The following SLC39A14 variants were observed in gnomAD, a reference collection of about 807,000 sequenced individuals.
SLC39A14 encodes metal cation symporter ZIP14.
A neutral mutation model predicts 45.5 loss-of-function variants in SLC39A14; 19 were observed. That is an observed-to-expected ratio of 0.42 (90% CI 0.29 to 0.61). SLC39A14 has a LOEUF of 0.61. Among genes scored for constraint, SLC39A14 ranks in the 20% least tolerant of loss-of-function variants. The pLI, the probability that SLC39A14 is intolerant of heterozygous loss-of-function variation, is 0.22. For synonymous variants in SLC39A14, 264 were observed against 251.3 expected (o/e 1.05, Z -0.48); for missense variants, 447 against 616.5 (o/e 0.73, Z 2.91).
intron 1 of SLC39A14, among the ~76,000 whole-genome samples, chr8:22,383,336 C>T (rs1833615453): frequency 6.6e-6 from 1 of 152,082 alleles, no homozygotes; most frequent in Admixed American, 6.5e-5. Flanking sequence ...GCAGCCAGCT[C>T]ACCAGAAGCA....
In SLC39A14 at chr8:22,419,769, C is replaced by T; in HGVS notation, c.*71C>T. 6.6e-7 allele frequency: 1 copy of T among 1,505,464 alleles called. No individual in the cohort carries two copies. The highest frequency in any genetic ancestry group is 8.9e-7 in the Non-Finnish European group (1 of 1,129,444). 93.3% of individuals were successfully genotyped at this position (1,505,464 alleles called of 1,614,324 possible). A position where few individuals can be genotyped will look rare whatever the true frequency, so the allele number is the denominator to read the frequency against. On this transcript the variant is annotated 3_prime_UTR_variant, in exon 9 of 9. Transcript: ENST00000381237. The stretch of plus-strand genomic sequence containing the variant: ...CCCGATCGCCAGCCCGAGGACTTAC[C>T]ATCCACAATGCACCACGGAAGAGGC...
chr8:22,428,002 A>G (rs1272311685), intron 8 of SLC39A14, among the ~76,000 whole-genome samples: 1 of 152,116 alleles, frequency 6.6e-6, no homozygotes, highest in African/African-American at 2.4e-5. Context: ...CTGTCTCTAT[A>G]AAAAATAAAA....
chr8:22,394,772 A>G (rs7825432), intron 1 of SLC39A14, among the ~76,000 whole-genome samples: 19,479 of 152,048 alleles, frequency 0.13, 1,286 homozygotes, highest in East Asian at 0.19. Context: ...GAAGGGGACT[A>G]TATTTTCTGA....
chr8:22,433,226 T>C (rs1836494636), intron 8 of SLC39A14, among the ~76,000 whole-genome samples: 1 of 152,194 alleles, frequency 6.6e-6, no homozygotes, highest in South Asian at 2.1e-4. Flanking sequence ...TGATAGATTA[T>C]GCTCAGTGAG....
In SLC39A14 at chr8:22,417,661, C is replaced by T. The variant is rs1400781589; in HGVS notation, c.1158C>T (p.Val386=). 6.2e-7 allele frequency: 1 copy of T among 1,613,444 alleles called. No individual in the cohort carries two copies. The highest frequency in any genetic ancestry group is 1.7e-5 in the Admixed American group (1 of 59,924). ...TTCTCGCTGCTGTAGGAGACTTTGT[C>T]ATCCTGCTCAACGCTGGGATGAGCA... ...EEFPHELGDF[V]ILLNAGMSIQ... Residue 386 remains valine (V), a synonymous_variant, in exon 8 of 9, where the codon GTC becomes GTT. Transcript: ENST00000381237.
chr8:22,406,708 A>C (rs1220788753), intron 2 of SLC39A14, among the ~76,000 whole-genome samples: 1 of 152,150 alleles, frequency 6.6e-6, no homozygotes, highest in East Asian at 1.9e-4. Context: ...AAAAATTAAA[A>C]AAAGGGACGG....
intron 1 of SLC39A14, among the ~76,000 whole-genome samples, chr8:22,382,012 G>A (rs1430948521): frequency 6.6e-6 from 1 of 151,968 alleles, no homozygotes. Context: ...GTGGTGGTAC[G>A]GGTCTGTAAT....
chr8:22,420,410 C>T lies in SLC39A14; in HGVS notation c.*712C>T, dbSNP rs916419065. ...TTTCACGGCTGTCCGAGTGAGCTAA[C>T]GTGGCGGTGTGGCTGCCTGGACCTC... On this transcript the variant is annotated 3_prime_UTR_variant, in exon 9 of 9. Coordinates refer to ENST00000381237, the MANE Select transcript of SLC39A14 (RefSeq NM_001128431.4). 7.1e-6 allele frequency: 7 copies of T among 985,436 alleles called. No homozygotes were observed. Among genetic ancestry groups the T allele is most frequent in the East Asian group, 1.1e-4 (1 of 8,812 alleles). The allele number at this position is 985,436 out of a possible 1,614,324, so 61.0% of individuals were successfully genotyped here.
At chr8:22,393,282 T>A (rs371216351) in intron 1 of SLC39A14, 1 of 977,024 alleles carries the variant, frequency 1.0e-6, no homozygotes, top group Non-Finnish European at 1.2e-6. Flanking sequence ...AGGGGGAGAA[T>A]GGGCCGATTA....
At chr8:22,398,835 G>A (rs901370745) in intron 1 of SLC39A14, 1 of 775,298 alleles carries the variant, frequency 1.3e-6, no homozygotes, top group Non-Finnish European at 1.6e-6. Flanking sequence ...TGGATGGTAA[G>A]GCAACTTCTG....
chr8:22,393,470 C>G (rs1364684890), intron 1 of SLC39A14, among the ~76,000 whole-genome samples: 6 of 152,070 alleles, frequency 3.9e-5, no homozygotes, highest in Admixed American at 3.9e-4. Flanking sequence ...GCTCTTTCTA[C>G]CCCCAGAGAA....
intron 1 of SLC39A14, among the ~76,000 whole-genome samples, chr8:22,400,953 G>C (rs1834818479): frequency 6.6e-6 from 1 of 152,214 alleles, no homozygotes; most frequent in Non-Finnish European, 1.5e-5. Context: ...ATATGGTTCA[G>C]GTACTTGGCA....
intron 3 of SLC39A14, among the ~76,000 whole-genome samples, chr8:22,408,749 A>G (rs73227834): frequency 0.032 from 4,838 of 151,598 alleles, 128 homozygotes; most frequent in Non-Finnish European, 0.052. Flanking sequence ...TGAGCGGCCT[A>G]TGGATCCCTT....
chr8:22,414,637 G>T (rs1487244923), intron 4 of SLC39A14, 143 bp from the exon 5 acceptor site: 4 of 821,922 alleles, frequency 4.9e-6, no homozygotes, highest in South Asian at 2.1e-5. Flanking sequence ...ATTTTTGCTG[G>T]AAAGAGGATG....
At chr8:22,413,277 G>A (rs1314561804) in intron 4 of SLC39A14, among the ~76,000 whole-genome samples, 5 of 152,154 alleles carry the variant, frequency 3.3e-5, no homozygotes, top group African/African-American at 1.2e-4. Context: ...TGAAATGTCA[G>A]TTGGCTCCCT....
intron 2 of SLC39A14, 80 bp downstream of exon 2, chr8:22,405,060 G>A: frequency 7.4e-7 from 1 of 1,359,740 alleles, no homozygotes; most frequent in East Asian, 2.4e-5. Flanking sequence ...TTGGGCCCAG[G>A]GCAGCCTGGC....
At chr8:22,412,298 G>A in intron 4 of SLC39A14, 92 bp downstream of exon 4, 2 of 1,337,094 alleles carry the variant, frequency 1.5e-6, no homozygotes, top group Non-Finnish European at 2.0e-6. Flanking sequence ...AGGGCACCTG[G>A]AGGCCCTTTC....
At chr8:22,382,877 C>T (rs538264193) in intron 1 of SLC39A14, among the ~76,000 whole-genome samples, 49 of 151,338 alleles carry the variant, frequency 3.2e-4, no homozygotes, top group African/African-American at 1.2e-3. Context: ...ACCATGCCCC[C>T]GCTAATTTTT....
In SLC39A14 at chr8:22,367,356, C is replaced by T. The variant is rs1437112488; in HGVS notation, c.-68C>T. ...AAGCTGCTTCTGCCGCCGCCGGCCG[C>T]CTGGGACCTTGCGGTGAGGCTGCGC... is the stretch of plus-strand genomic sequence containing the variant. On this transcript the variant is annotated 5_prime_UTR_variant, in exon 1 of 9. Transcript: ENST00000381237. The surrounding 1 kb of genome is among the most constrained non-coding windows in gnomAD (Gnocchi z 4.2). 2 of 151,946 alleles carry T rather than the reference C, an allele frequency of 1.3e-5. No individual in the cohort carries two copies. Among genetic ancestry groups the T allele is most frequent in the Non-Finnish European group, 2.9e-5 (2 of 68,044 alleles). 9.4% of individuals were successfully genotyped at this position (151,946 alleles called of 1,614,324 possible).
Sources: allele counts gnomAD v4.1 joint callset (sites outside exome capture counted in the v4.1 genomes callset), GRCh38; gene constraint gnomAD v4.1.1; non-coding constraint Gnocchi (gnomAD v3.1); transcripts MANE v1.5; gene names NCBI Gene and HGNC (gene_info 2026-07-23, HGNC 2026-07-21).